CPNE4: variants seen among roughly 807,000 people sequenced by gnomAD.
The protein encoded by CPNE4 is copine 4.
CPNE4 carries 25 observed loss-of-function variants against 67.9 expected under a neutral mutation model. That is an observed-to-expected ratio of 0.37 (90% CI 0.27 to 0.51). The LOEUF is 0.51. CPNE4 is among the 20% of genes least tolerant of loss of function. CPNE4 has a pLI of 0.93. For synonymous variants in CPNE4, 242 were observed against 244.9 expected (o/e 0.99, Z 0.11); for missense variants, 464 against 690.8 (o/e 0.67, Z 3.68).
chr3:131,840,706 A>C (rs2085743023), intron 2 of CPNE4, among the ~76,000 whole-genome samples: 1 of 152,136 alleles, frequency 6.6e-6, no homozygotes, highest in Admixed American at 6.6e-5. Flanking sequence ...AGGCTTCTAG[A>C]ATACGAATTC....
chr3:131,926,738 C>T (rs2070905951), intron 1 of CPNE4, among the ~76,000 whole-genome samples: 1 of 152,176 alleles, frequency 6.6e-6, no homozygotes, highest in Non-Finnish European at 1.5e-5. Context: ...TAAACTCAGT[C>T]TCCCAATTTT....
At chr3:131,953,663 A>G (rs1200526999) in intron 1 of CPNE4, among the ~76,000 whole-genome samples, 3 of 152,206 alleles carry the variant, frequency 2.0e-5, no homozygotes, top group Admixed American at 2.0e-4. Flanking sequence ...AGAATGACAA[A>G]TATCACATGT....
intron 2 of CPNE4, among the ~76,000 whole-genome samples, chr3:131,892,023 C>T (rs1195429675): frequency 2.0e-5 from 3 of 151,998 alleles, no homozygotes; most frequent in Non-Finnish European, 4.4e-5. Flanking sequence ...AGGATAGGAC[C>T]GTAGAGAGGG....
intron 1 of CPNE4, among the ~76,000 whole-genome samples, chr3:132,000,154 A>T (rs2073394124): frequency 6.6e-6 from 1 of 152,006 alleles, no homozygotes; most frequent in South Asian, 2.1e-4. Context: ...AGAGAACAAG[A>T]TAGGATAGAT....
chr3:131,882,141 C>G (rs1322342006), intron 2 of CPNE4, among the ~76,000 whole-genome samples: 1 of 65,950 alleles, frequency 1.5e-5, no homozygotes, highest in Non-Finnish European at 2.7e-5. Context: ...TTCTAATACA[C>G]ACACACACAC....
intron 2 of CPNE4, among the ~76,000 whole-genome samples, chr3:131,805,733 G>C (rs1279592371): frequency 2.0e-5 from 3 of 152,182 alleles, no homozygotes; most frequent in Non-Finnish European, 4.4e-5. Flanking sequence ...CCAAAAGCAA[G>C]TGTTCTAAGA....
intron 2 of CPNE4, among the ~76,000 whole-genome samples, chr3:131,792,708 CGTGTATATATGTATATATATACACGTGTG>C: frequency 1.5e-5 from 1 of 67,248 alleles, no homozygotes; most frequent in South Asian, 4.6e-4. Flanking sequence ...TATACACACA[CGTGTATATATGTATATATATACACGTGTG>C]TATATATGTA....
At chr3:131,946,485 C>T (rs2071555597) in intron 1 of CPNE4, among the ~76,000 whole-genome samples, 2 of 152,110 alleles carry the variant, frequency 1.3e-5, no homozygotes, top group South Asian at 2.1e-4. Context: ...CAGCCCTGAA[C>T]GTGGATGTAC....
chr3:131,914,840 G>C (rs1205132034), intron 1 of CPNE4, among the ~76,000 whole-genome samples: 1 of 152,122 alleles, frequency 6.6e-6, no homozygotes, highest in African/African-American at 2.4e-5. Context: ...GCTGGGTGTG[G>C]TGGTGCATGC....
In CPNE4 at chr3:131,534,935, C is replaced by T. The variant is rs1443363441; in HGVS notation, c.*260G>A. 2.1e-5 allele frequency: 6 copies of T among 280,534 alleles called. No individual in the cohort carries two copies. The highest frequency in any genetic ancestry group is 1.6e-4 in the South Asian group (1 of 6,354). The allele number at this position is 280,534 out of a possible 1,614,324, so 17.4% of individuals were successfully genotyped here. On this transcript the variant is annotated 3_prime_UTR_variant, in exon 16 of 16. Transcript: ENST00000429747. Reference sequence around the variant, plus strand: ...ATACAGATACCATTTTATTTCAAGGCGACATGCTGTAATGTAAATAGTAAG... The same window carrying T: ...ATACAGATACCATTTTATTTCAAGGTGACATGCTGTAATGTAAATAGTAAG...
intron 7 of CPNE4, among the ~76,000 whole-genome samples, chr3:131,624,510 T>C (rs1429291519): frequency 1.3e-5 from 2 of 148,226 alleles, no homozygotes; most frequent in African/African-American, 2.5e-5. Flanking sequence ...AATTTAACCA[T>C]TTTTTTTTTA....
intron 2 of CPNE4, among the ~76,000 whole-genome samples, chr3:131,762,907 C>T (rs754013906): frequency 3.5e-4 from 44 of 124,994 alleles, no homozygotes; most frequent in African/African-American, 7.6e-4. Flanking sequence ...ATACATGCTA[C>T]GACAGAAAAA....
intron 2 of CPNE4, among the ~76,000 whole-genome samples, chr3:131,821,111 A>T (rs1177351174): frequency 6.6e-6 from 1 of 152,156 alleles, no homozygotes; most frequent in Non-Finnish European, 1.5e-5. Context: ...GAGGAGGAGG[A>T]GGTTGGCTTA....
intron 2 of CPNE4, among the ~76,000 whole-genome samples, chr3:131,725,816 G>T (rs1193905483): frequency 6.6e-6 from 1 of 152,038 alleles, no homozygotes; most frequent in African/African-American, 2.4e-5. Context: ...TGGCAACCTT[G>T]GGCCACATTT....
chr3:131,725,541 A>T (rs1304797925), intron 2 of CPNE4, among the ~76,000 whole-genome samples: 1 of 152,196 alleles, frequency 6.6e-6, no homozygotes. Flanking sequence ...TTCTTATATG[A>T]TGTTCATTCA....
intron 7 of CPNE4, among the ~76,000 whole-genome samples, chr3:131,659,820 T>TG (rs1416800404): frequency 2.0e-5 from 3 of 152,142 alleles, no homozygotes; most frequent in African/African-American, 7.2e-5. Context: ...CCCAGATTGC[T>TG]GAGAGAACAA....
At chr3:131,700,618 T>C (rs2081274083) in intron 3 of CPNE4, among the ~76,000 whole-genome samples, 1 of 152,208 alleles carries the variant, frequency 6.6e-6, no homozygotes, top group Non-Finnish European at 1.5e-5. Flanking sequence ...TTCTTCCTTT[T>C]TTGAAAGAGA....
chr3:131,936,072 T>C (rs1157877838), intron 1 of CPNE4, among the ~76,000 whole-genome samples: 3 of 151,838 alleles, frequency 2.0e-5, no homozygotes, highest in South Asian at 2.1e-4. Context: ...GATATGCTCA[T>C]TGATGCATAA....
chr3:131,915,659 A>C (rs1372600047), intron 1 of CPNE4, among the ~76,000 whole-genome samples: 8 of 152,226 alleles, frequency 5.3e-5, no homozygotes, highest in Admixed American at 5.2e-4. Context: ...GGAACATACC[A>C]TACCAAATCT....
Sources: allele counts gnomAD v4.1 joint callset (sites outside exome capture counted in the v4.1 genomes callset), GRCh38; gene constraint gnomAD v4.1.1; transcripts MANE v1.5; gene names NCBI Gene and HGNC (gene_info 2026-07-23, HGNC 2026-07-21).